Variants in NTAQ1 observed in about 807,000 individuals in gnomAD.
NTAQ1 encodes protein N-terminal glutamine amidohydrolase.
NTAQ1 carries 21 observed loss-of-function variants against 28.2 expected under a neutral mutation model. That is an observed-to-expected ratio of 0.74 (90% CI 0.53 to 1.07). The LOEUF (loss-of-function observed/expected upper bound fraction) is 1.07. Ranked by LOEUF, NTAQ1 falls within the 50% of genes least tolerant of loss-of-function variation. NTAQ1 has a pLI of 0.00. For synonymous variants in NTAQ1, 105 were observed against 90.0 expected, an observed-to-expected ratio of 1.17 and a Z score of -0.94; for missense variants, 264 against 256.6, an observed-to-expected ratio of 1.03 and a Z score of -0.20.
chr8:123,441,045 G>A (rs985694356), intron 5 of NTAQ1, among the ~76,000 whole-genome samples: 15 of 152,210 alleles, frequency 9.9e-5, no homozygotes, highest in African/African-American at 3.1e-4. Context: ...AGACTCGGGG[G>A]TCCCCTCTGC....
intron 6 of NTAQ1, among the ~76,000 whole-genome samples, chr8:123,459,314 G>A (rs1479153798): frequency 6.6e-6 from 1 of 152,078 alleles, no homozygotes; most frequent in East Asian, 1.9e-4. Context: ...CTGAGTGCAG[G>A]AGCTTCTGTC....
At chr8:123,462,863 C>T (rs1053586508) in intron 6 of NTAQ1, among the ~76,000 whole-genome samples, 1 of 152,194 alleles carries the variant, frequency 6.6e-6, no homozygotes, top group Admixed American at 6.5e-5. Flanking sequence ...ACAGGAACTA[C>T]ACTGTTGGTT....
intron 6 of NTAQ1, among the ~76,000 whole-genome samples, chr8:123,459,256 AAAG>A (rs1815746636): frequency 6.6e-6 from 1 of 152,026 alleles, no homozygotes; most frequent in East Asian, 1.9e-4. Context: ...AAAAAAAAAA[AAAG>A]ATGTAGATGA....
chr8:123,443,874 G>A (rs1399454910), downstream of NTAQ1, among the ~76,000 whole-genome samples: 2 of 152,076 alleles, frequency 1.3e-5, no homozygotes, highest in Non-Finnish European at 2.9e-5. Flanking sequence ...CGCCTGGCCT[G>A]CGGTTCCTGG....
intron 6 of NTAQ1, among the ~76,000 whole-genome samples, chr8:123,455,616 C>T (rs1444308862): frequency 1.3e-5 from 2 of 151,638 alleles, no homozygotes; most frequent in African/African-American, 2.4e-5. Context: ...GTAGAAACAG[C>T]GTTTCACCAT....
chr8:123,438,036 G>C (rs920505152), intron 5 of NTAQ1: 11 of 620,816 alleles, frequency 1.8e-5, no homozygotes, highest in Non-Finnish European at 3.2e-5. Flanking sequence ...CTTATGATGT[G>C]TGAAATGTCA....
chr8:123,422,284 T>TTTC (rs1813746742), intron 1 of NTAQ1, among the ~76,000 whole-genome samples: 1 of 150,572 alleles, frequency 6.6e-6, no homozygotes, highest in Admixed American at 6.6e-5. Context: ...TGTTTTGGGT[T>TTTC]TTTTTTTTTG....
At chr8:123,467,601 A>G (rs567194097) in exon 7 of NTAQ1, among the ~76,000 whole-genome samples, 2 of 152,318 alleles carry the variant, frequency 1.3e-5, no homozygotes, top group African/African-American at 4.8e-5. Flanking sequence ...TAAATTAATT[A>G]CTGGCCATTC....
intron 6 of NTAQ1, among the ~76,000 whole-genome samples, chr8:123,466,485 G>A (rs1563909381): frequency 6.6e-6 from 1 of 152,206 alleles, no homozygotes; most frequent in Non-Finnish European, 1.5e-5. Flanking sequence ...AAATGGAATT[G>A]TTGATGAATA....
intron 3 of NTAQ1, among the ~76,000 whole-genome samples, chr8:123,430,323 T>A (rs1814320522): frequency 6.6e-6 from 1 of 152,162 alleles, no homozygotes; most frequent in South Asian, 2.1e-4. Context: ...TGGCTACACA[T>A]TAGAATTATC....
At chr8:123,425,337 G>A (rs947251875) in intron 1 of NTAQ1, among the ~76,000 whole-genome samples, 31 of 151,574 alleles carry the variant, frequency 2.0e-4, no homozygotes, top group Admixed American at 1.6e-3. Context: ...GGTGATCCAC[G>A]TGCCTCAGCC....
At chr8:123,470,692 G>A (rs1281140139), downstream of NTAQ1, among the ~76,000 whole-genome samples, 3 of 152,180 alleles carry the variant, frequency 2.0e-5, no homozygotes. Flanking sequence ...TTTTACAATA[G>A]AAGTTTATTT....
At chr8:123,460,771 G>A (rs1815799289) in intron 6 of NTAQ1, among the ~76,000 whole-genome samples, 1 of 152,204 alleles carries the variant, frequency 6.6e-6, no homozygotes, top group Non-Finnish European at 1.5e-5. Flanking sequence ...AGGGGGTTGG[G>A]AGTGAAATGA....
intron 1 of NTAQ1, among the ~76,000 whole-genome samples, chr8:123,422,003 A>G (rs1477249992): frequency 6.6e-6 from 1 of 151,774 alleles, no homozygotes; most frequent in Non-Finnish European, 1.5e-5. Flanking sequence ...TTTAATAGAG[A>G]CAATGTTTCA....
intron 3 of NTAQ1, chr8:123,435,355 T>G (rs564229389): frequency 1.8e-6 from 1 of 565,814 alleles, no homozygotes; most frequent in African/African-American, 2.0e-5. Context: ...CTTGGCTAAC[T>G]TCTTTTTTTA....
chr8:123,423,545 TACAGTTGTGAGCTACTGCACCCC>T (rs1187690832), intron 1 of NTAQ1, among the ~76,000 whole-genome samples: 2 of 152,108 alleles, frequency 1.3e-5, no homozygotes, highest in Non-Finnish European at 2.9e-5. Context: ...GCATTGGGAT[TACAGTTGTGAGCTACTGCACCCC>T]ACCTACAGGT....
chr8:123,428,671 G>C (rs1328743554), intron 2 of NTAQ1, among the ~76,000 whole-genome samples: 3 of 151,862 alleles, frequency 2.0e-5, no homozygotes, highest in Non-Finnish European at 4.4e-5. Context: ...TGTGATCTCG[G>C]CTCACTGCAA....
chr8:123,418,015 C>T (rs1160053303), intron 1 of NTAQ1, among the ~76,000 whole-genome samples: 2 of 152,168 alleles, frequency 1.3e-5, no homozygotes, highest in Non-Finnish European at 2.9e-5. Context: ...TCCCTAATGT[C>T]CAGTCATTGT....
chr8:123,437,469 C>A, intron 5 of NTAQ1, 135 bp downstream of exon 5: 1 of 1,279,794 alleles, frequency 7.8e-7, no homozygotes, highest in Admixed American at 2.6e-5. Context: ...TTTGGGAGGC[C>A]GAGGTGGGCG....
Sources: allele counts gnomAD v4.1 joint callset (sites outside exome capture counted in the v4.1 genomes callset), GRCh38; gene constraint gnomAD v4.1.1; transcripts MANE v1.5; gene names NCBI Gene and HGNC (gene_info 2026-07-23, HGNC 2026-07-21).